The following HECW1 variants were observed in gnomAD, a reference collection of about 807,000 sequenced individuals.
The protein encoded by HECW1 is E3 ubiquitin-protein ligase HECW1.
Under a neutral mutation model 182.3 loss-of-function variants are expected in HECW1, and 61 were observed. The ratio of observed to expected loss-of-function variants is 0.33; its 90% confidence interval spans 0.27 to 0.41. The LOEUF is 0.41. HECW1 is among the 10% of genes least tolerant of loss of function. The probability of loss-of-function intolerance (pLI) is 1.00; values close to 1 mark genes in which losing one functional copy is unlikely to be tolerated. For missense variants in HECW1, 1,739 were observed against 2,108.9 expected (o/e 0.82, Z 3.44); for synonymous variants, 859 against 832.6 (o/e 1.03, Z -0.55).
At chr7:43,200,145 G>A (rs377560007) in intron 2 of HECW1, among the ~76,000 whole-genome samples, 6 of 152,140 alleles carry the variant, frequency 3.9e-5, no homozygotes, top group Middle Eastern at 3.4e-3. Flanking sequence ...ACTTTCAAAC[G>A]GATTTGATTG....
intron 5 of HECW1, among the ~76,000 whole-genome samples, chr7:43,333,229 C>T (rs1811715383): frequency 6.6e-6 from 1 of 152,222 alleles, no homozygotes; most frequent in South Asian, 2.1e-4. Flanking sequence ...TCACATTCTA[C>T]CAAAATGGAG....
chr7:43,378,223 T>C (rs2074403152), intron 6 of HECW1, among the ~76,000 whole-genome samples: 1 of 152,242 alleles, frequency 6.6e-6, no homozygotes. Flanking sequence ...CCTTCATTTC[T>C]AGAAATTTCT....
chr7:43,401,356 G>A (rs74639630), intron 7 of HECW1, among the ~76,000 whole-genome samples: 9,770 of 151,936 alleles, frequency 0.064, 404 homozygotes, highest in East Asian at 0.22. Flanking sequence ...AAAGGACGAG[G>A]GAAAAAAAGA....
chr7:43,239,041 C>T (rs928307329), intron 2 of HECW1: 1 of 152,182 alleles, frequency 6.6e-6, no homozygotes, highest in Admixed American at 6.5e-5. Context: ...AAAACAAAAT[C>T]AGTCAGACCC....
Position 43,445,035 on chromosome 7 carries a change from G to A in HECW1, c.1863G>A (p.Glu621=). The change falls in exon 11 of 30, where the codon GAG becomes GAA. Residue 621 remains glutamate (E), a synonymous_variant. Transcript: ENST00000395891. ...TGGAAGAGGACAGAGAAGAGCCCGAGGGGGCTACTCCAGGCACGGCGCACC... is the reference window on the plus strand; with the variant it reads ...TGGAAGAGGACAGAGAAGAGCCCGAAGGGGCTACTCCAGGCACGGCGCACC... ...SALEEDREEP[E]GATPGTAHPG... 1.3e-6 allele frequency: 2 copies of A among 1,569,188 alleles called. No individual in the cohort carries two copies. Among genetic ancestry groups the A allele is most frequent in the Non-Finnish European group, 8.6e-7 (1 of 1,157,176 alleles).
At chr7:43,130,621 A>G (rs962038620) in intron 2 of HECW1, among the ~76,000 whole-genome samples, 3 of 152,218 alleles carry the variant, frequency 2.0e-5, no homozygotes, top group African/African-American at 7.2e-5. Context: ...GTGATAAACA[A>G]TGTGTTCCAG....
At chr7:43,408,733 C>A (rs570692390) in intron 8 of HECW1, among the ~76,000 whole-genome samples, 2 of 152,200 alleles carry the variant, frequency 1.3e-5, no homozygotes, top group South Asian at 4.2e-4. Flanking sequence ...TTGGCTGCCT[C>A]CCTGCCAGAC....
At chr7:43,330,992 A>T (rs1811394127) in intron 5 of HECW1, among the ~76,000 whole-genome samples, 1 of 151,040 alleles carries the variant, frequency 6.6e-6, no homozygotes, top group Non-Finnish European at 1.5e-5. Flanking sequence ...TATTTATTTT[A>T]TTTTTTTATA....
intron 2 of HECW1, among the ~76,000 whole-genome samples, chr7:43,216,866 G>GCTGGCCTTGAACCC (rs1391442152): frequency 1.3e-5 from 2 of 152,036 alleles, no homozygotes; most frequent in Non-Finnish European, 2.9e-5. Context: ...TGTTGCCCAG[G>GCTGGCCTTGAACCC]CTGGCCTCGA....
At chr7:43,343,833 A>G (rs1252403898) in intron 5 of HECW1, among the ~76,000 whole-genome samples, 1 of 151,838 alleles carries the variant, frequency 6.6e-6, no homozygotes, top group Non-Finnish European at 1.5e-5. Flanking sequence ...GGAATCCCAC[A>G]CTGTCTCCAC....
chr7:43,336,124 T>TTCTCTCTCTCTCTCTCTC (rs1233029672), intron 5 of HECW1, among the ~76,000 whole-genome samples: 8 of 64,304 alleles, frequency 1.2e-4, no homozygotes, highest in African/African-American at 5.1e-4. Flanking sequence ...CTTTCTTTCT[T>TTCTCTCTCTCTCTCTCTC]TCTCTCTCTC....
intron 24 of HECW1, among the ~76,000 whole-genome samples, chr7:43,530,223 G>A (rs545890096): frequency 4.0e-5 from 6 of 150,274 alleles, no homozygotes; most frequent in African/African-American, 9.8e-5. Context: ...CTTCCAAAGC[G>A]CTGGGATTAC....
chr7:43,551,671 C>T (rs2081833079), intron 27 of HECW1, among the ~76,000 whole-genome samples: 1 of 152,102 alleles, frequency 6.6e-6, no homozygotes, highest in Admixed American at 6.5e-5. Flanking sequence ...GCATGCGATT[C>T]TTTTTTCTGT....
chr7:43,225,239 A>C (rs1309871844), intron 2 of HECW1, among the ~76,000 whole-genome samples: 5 of 152,198 alleles, frequency 3.3e-5, no homozygotes, highest in African/African-American at 1.2e-4. Flanking sequence ...CCATCGAGTT[A>C]AAAACAAAGA....
chr7:43,180,671 G>A (rs7808221), intron 2 of HECW1, among the ~76,000 whole-genome samples: 36,698 of 152,042 alleles, frequency 0.24, 4,622 homozygotes, highest in Middle Eastern at 0.27. Context: ...CTGGGATTAC[G>A]GGCGTGAGCC....
intron 16 of HECW1, among the ~76,000 whole-genome samples, chr7:43,473,931 A>C (rs546586000): frequency 6.6e-6 from 1 of 152,360 alleles, no homozygotes; most frequent in East Asian, 1.9e-4. Flanking sequence ...AAGTAAAGCC[A>C]AGCATAACAG....
intron 18 of HECW1, among the ~76,000 whole-genome samples, chr7:43,492,660 C>T (rs2078975578): frequency 6.6e-6 from 1 of 152,164 alleles, no homozygotes; most frequent in Non-Finnish European, 1.5e-5. Flanking sequence ...AATGGTATTT[C>T]CATTATCACT....
At chr7:43,259,206 G>A (rs1037108606) in intron 3 of HECW1, among the ~76,000 whole-genome samples, 9 of 152,158 alleles carry the variant, frequency 5.9e-5, no homozygotes, top group African/African-American at 1.9e-4. Context: ...GGCCGACATG[G>A]CGAAACCCTG....
chr7:43,474,224 T>C lies in HECW1; in HGVS notation c.3099+5119T>C, dbSNP rs752750955. On this transcript the variant is annotated intron_variant, in intron 16 of 29. Transcript: ENST00000395891. ...CAGCTCTTTGGGAGGCCAAGGCGGG[T>C]GGATCACGAGGTCAGCAGATCGAGA... Among the ~76,000 whole-genome samples, 22 of 151,986 alleles carry C rather than the reference T, an allele frequency of 1.4e-4. 1 individual carries two copies. Among genetic ancestry groups the C allele is most frequent in the South Asian group, 1.0e-3 (5 of 4,814 alleles).
Sources: gnomAD v4.1 joint callset for allele counts (sites outside exome capture counted in the v4.1 genomes callset) on GRCh38, gnomAD v4.1.1 for gene constraint, MANE v1.5 for transcripts, NCBI Gene and HGNC (gene_info 2026-07-23, HGNC 2026-07-21) for gene names.